Variants in ETV6 observed in about 807,000 individuals in gnomAD.
ETV6 encodes ETS variant transcription factor 6.
Under a neutral mutation model 51.1 loss-of-function variants are expected in ETV6, and 16 were observed. The ratio of observed to expected loss-of-function variants is 0.31; its 90% CI spans 0.21 to 0.48. The LOEUF (loss-of-function observed/expected upper bound fraction) is 0.48. ETV6 is among the 20% of genes least tolerant of loss of function. The pLI is 0.99. For synonymous variants in ETV6, 240 were observed against 224.1 expected (o/e 1.07, Z -0.64); for missense variants, 458 against 594.8 (o/e 0.77, Z 2.39).
At chr12:11,876,326 G>A (rs1181939603) in intron 5 of ETV6, among the ~76,000 whole-genome samples, 2 of 152,150 alleles carry the variant, frequency 1.3e-5, no homozygotes, top group Non-Finnish European at 2.9e-5. Context: ...CATGTGCCAG[G>A]CATTGTTCTA....
chr12:11,675,900 AG>A (rs1864413909), intron 1 of ETV6, among the ~76,000 whole-genome samples: 1 of 152,106 alleles, frequency 6.6e-6, no homozygotes, highest in African/African-American at 2.4e-5. Flanking sequence ...AGGAGGGAAA[AG>A]AAAAAGGGAG....
At chr12:11,812,887 C>T (rs1348799292) in intron 2 of ETV6, among the ~76,000 whole-genome samples, 10 of 152,196 alleles carry the variant, frequency 6.6e-5, no homozygotes, top group Admixed American at 5.9e-4. Context: ...ATGGAGACCC[C>T]GGCTGGTCTT....
At chr12:11,669,357 T>A (rs1471960653) in intron 1 of ETV6, among the ~76,000 whole-genome samples, 4 of 9,552 alleles carry the variant, frequency 4.2e-4, no homozygotes, top group African/African-American at 6.0e-4. Context: ...CGTCCTCCTG[T>A]CCTCCCTTCC....
rs1327754402 is a variant in ETV6 at position 11,722,491 on chromosome 12, G to A, written c.34-29959G>A. ...TTTAAGTTTCATTTTTAATCTAATG[G>A]TGGACATTTTGGGGCACTGCAGCCT... On this transcript the variant is annotated intron_variant, in intron 1 of 7. Coordinates refer to ENST00000396373, the MANE Select transcript of ETV6 (RefSeq NM_001987.5). Among the ~76,000 whole-genome samples the A allele has an allele frequency of 2.0e-5, 3 of 152,180 alleles. No homozygotes were observed. In the East Asian group the frequency reaches 5.8e-4, roughly 29 times the overall value.
At chr12:11,760,021 T>C (rs1371747410) in intron 2 of ETV6, among the ~76,000 whole-genome samples, 2 of 152,220 alleles carry the variant, frequency 1.3e-5, no homozygotes, top group East Asian at 3.9e-4. Context: ...CTGCTTTTGC[T>C]GTTGCCATGG....
chr12:11,861,893 A>AT (rs1305028385), intron 4 of ETV6, among the ~76,000 whole-genome samples: 2 of 152,064 alleles, frequency 1.3e-5, no homozygotes, highest in Non-Finnish European at 2.9e-5. Context: ...CAATCCTTTG[A>AT]TTTTTTAATT....
chr12:11,704,687 T>G (rs937069618), intron 1 of ETV6, among the ~76,000 whole-genome samples: 1 of 152,180 alleles, frequency 6.6e-6, no homozygotes, highest in Admixed American at 6.5e-5. Context: ...ATTGTTTATA[T>G]TTGAGATTTA....
intron 5 of ETV6, among the ~76,000 whole-genome samples, chr12:11,882,464 C>T (rs1172576058): frequency 1.3e-5 from 2 of 152,148 alleles, no homozygotes; most frequent in Admixed American, 1.3e-4. Context: ...CTGTGTCCTC[C>T]TGAGTAAATC....
At chr12:11,796,641 C>G (rs1413341932) in intron 2 of ETV6, among the ~76,000 whole-genome samples, 2 of 152,238 alleles carry the variant, frequency 1.3e-5, no homozygotes, top group East Asian at 3.8e-4. Flanking sequence ...CCGCTGTGCA[C>G]TGTCCATGCG....
At chr12:11,873,257 A>T (rs1156811315) in intron 5 of ETV6, among the ~76,000 whole-genome samples, 2 of 152,154 alleles carry the variant, frequency 1.3e-5, no homozygotes, top group Non-Finnish European at 2.9e-5. Context: ...GACAGTCTTG[A>T]TTCTGTAACC....
At chr12:11,794,802 CAGACATCAATG>C (rs533042502) in intron 2 of ETV6, among the ~76,000 whole-genome samples, 78 of 152,344 alleles carry the variant, frequency 5.1e-4, no homozygotes, top group African/African-American at 1.8e-3. Context: ...TCATTCCATG[CAGACATCAATG>C]AGATTTGCCA....
intron 1 of ETV6, among the ~76,000 whole-genome samples, chr12:11,655,768 CAG>C (rs1863988530): frequency 6.6e-6 from 1 of 152,178 alleles, no homozygotes; most frequent in Admixed American, 6.5e-5. Context: ...CTGGAATTCC[CAG>C]AGTGTGGACG....
chr12:11,691,341 A>G (rs12314364), intron 1 of ETV6, among the ~76,000 whole-genome samples: 1,966 of 152,278 alleles, frequency 0.013, 50 homozygotes, highest in African/African-American at 0.044. Flanking sequence ...TAGGACCTGG[A>G]GCATAACCTG....
chr12:11,800,875 T>C (rs1308395186), intron 2 of ETV6, among the ~76,000 whole-genome samples: 1 of 151,952 alleles, frequency 6.6e-6, no homozygotes, highest in Non-Finnish European at 1.5e-5. Flanking sequence ...TTGAGACCAG[T>C]CTCACAGTCT....
At position 11,869,520 on chromosome 12, in the gene ETV6, C is replaced by T. The variant is rs753079378; in HGVS notation, c.560C>T (p.Thr187Met). The T allele has an allele frequency of 9.3e-6, 15 of 1,614,044 alleles. No individual in the cohort carries two copies. Among genetic ancestry groups the T allele is most frequent in the East Asian group, 4.5e-5 (2 of 44,888 alleles). ...TTGCACCGCTCCAGGTCACCTATCA[C>T]GACAAATCACCGGCCTTCTCCTGAC... is the stretch of plus-strand genomic sequence containing the variant. Reference protein sequence around the residue: ...ELLHRSRSPITTNHRPSPDPE... With the variant: ...ELLHRSRSPIMTNHRPSPDPE... The change falls in exon 5 of 8, where the codon ACG becomes ATG. Residue 187 changes from threonine (T) to methionine (M), a missense_variant. Transcript: ENST00000396373. This position sits in a 1 kb window ranked among gnomAD's most constrained non-coding sequence, Gnocchi z 5.0.
intron 1 of ETV6, among the ~76,000 whole-genome samples, chr12:11,689,416 A>C (rs1005160067): frequency 2.7e-4 from 41 of 152,032 alleles, no homozygotes; most frequent in African/African-American, 8.0e-4. Flanking sequence ...AGCACAGTAC[A>C]TTTGCTATTT....
intron 2 of ETV6, among the ~76,000 whole-genome samples, chr12:11,831,090 C>T (rs567512275): frequency 4.4e-4 from 67 of 152,248 alleles, no homozygotes; most frequent in African/African-American, 1.6e-3. Flanking sequence ...TTATCAACTG[C>T]ATATGACCCT....
chr12:11,753,093 G>C (rs1248549772), intron 2 of ETV6, among the ~76,000 whole-genome samples: 1 of 151,974 alleles, frequency 6.6e-6, no homozygotes, highest in East Asian at 1.9e-4. Context: ...GCCTGCATAG[G>C]TCCTCTCTCT....
chr12:11,691,440 A>G (rs184049127), intron 1 of ETV6, among the ~76,000 whole-genome samples: 20 of 152,206 alleles, frequency 1.3e-4, no homozygotes, highest in Admixed American at 2.6e-4. Context: ...GTATACATCT[A>G]TGTTTCCTTT....
Sources: allele counts gnomAD v4.1 joint callset (sites outside exome capture counted in the v4.1 genomes callset), GRCh38; gene constraint gnomAD v4.1.1; non-coding constraint Gnocchi (gnomAD v3.1); transcripts MANE v1.5; gene names NCBI Gene and HGNC (gene_info 2026-07-23, HGNC 2026-07-21).